SGCZ: variants seen among roughly 807,000 people sequenced by gnomAD.
The protein encoded by SGCZ is zeta-sarcoglycan.
A neutral mutation model predicts 41.3 loss-of-function variants in SGCZ; 40 were observed. The ratio of observed to expected loss-of-function variants is 0.97; its 90% CI spans 0.75 to 1.26. The LOEUF (loss-of-function observed/expected upper bound fraction) is 1.26. SGCZ is among the 50% of genes most tolerant of loss of function. SGCZ has a pLI of 0.00. For missense variants in SGCZ, 552 were observed against 369.8 expected (o/e 1.49, Z -4.04); for synonymous variants, 206 against 137.5 (o/e 1.50, Z -3.49).
chr8:14,753,943 C>T (rs1799578707), intron 1 of SGCZ, among the ~76,000 whole-genome samples: 1 of 152,184 alleles, frequency 6.6e-6, no homozygotes, highest in Admixed American at 6.5e-5. Flanking sequence ...ATAGCTCTAA[C>T]ATTCTGCTTT....
At chr8:14,654,740 T>A (rs1360997953) in intron 1 of SGCZ, among the ~76,000 whole-genome samples, 1 of 97,036 alleles carries the variant, frequency 1.0e-5, no homozygotes, top group Non-Finnish European at 2.4e-5. Flanking sequence ...CCCAGCTAAT[T>A]TTTTTTTTTT....
chr8:14,321,232 T>C (rs1239756843), intron 3 of SGCZ, among the ~76,000 whole-genome samples: 1 of 152,098 alleles, frequency 6.6e-6, no homozygotes, highest in African/African-American at 2.4e-5. Context: ...GAAAAATACA[T>C]TGAATTCTAA....
intron 1 of SGCZ, among the ~76,000 whole-genome samples, chr8:14,829,138 T>A (rs1023637708): frequency 7.9e-5 from 12 of 151,744 alleles, no homozygotes; most frequent in African/African-American, 2.9e-4. Flanking sequence ...TATTTCCTCA[T>A]CCAGGTATGA....
intron 3 of SGCZ, among the ~76,000 whole-genome samples, chr8:14,252,678 G>A (rs1198073934): frequency 6.6e-6 from 1 of 152,086 alleles, no homozygotes; most frequent in Non-Finnish European, 1.5e-5. Context: ...ATAAAGTCGA[G>A]GGGGCAGGAC....
In SGCZ at chr8:14,680,464, T is replaced by C. The variant is rs150792308; in HGVS notation, c.40-125538A>G. ...GCATGGTGGCAATATATGATATTTC[T>C]GTTCCTTTTGTTCAATTTTACTATG... On this transcript the variant is annotated intron_variant, in intron 1 of 7. Coordinates refer to ENST00000382080, the MANE Select transcript of SGCZ (RefSeq NM_139167.4). 3.1e-3 allele frequency among the ~76,000 whole-genome samples: 468 copies of C among 152,272 alleles called. 4 individuals carry two copies. The highest frequency in any genetic ancestry group is 0.011 in the African/African-American group (452 of 41,588).
At chr8:14,918,820 C>A (rs1799510979) in intron 1 of SGCZ, among the ~76,000 whole-genome samples, 1 of 152,198 alleles carries the variant, frequency 6.6e-6, no homozygotes, top group Non-Finnish European at 1.5e-5. Flanking sequence ...TGCAGACCAG[C>A]ATACACTATG....
At chr8:14,729,228 C>G (rs1484985968) in intron 1 of SGCZ, among the ~76,000 whole-genome samples, 1 of 152,114 alleles carries the variant, frequency 6.6e-6, no homozygotes, top group Non-Finnish European at 1.5e-5. Flanking sequence ...ATGAAGTAAC[C>G]ATGCCCAGTC....
intron 1 of SGCZ, among the ~76,000 whole-genome samples, chr8:14,826,365 G>C (rs1202425130): frequency 3.3e-5 from 5 of 152,058 alleles, no homozygotes; most frequent in African/African-American, 1.2e-4. Flanking sequence ...CCAAGTCTTT[G>C]CTATTGTGAA....
intron 1 of SGCZ, among the ~76,000 whole-genome samples, chr8:14,824,373 A>G (rs1802217907): frequency 6.6e-6 from 1 of 152,154 alleles, no homozygotes; most frequent in African/African-American, 2.4e-5. Context: ...AATATGTACA[A>G]TTATAGTGTG....
At chr8:15,199,581 G>T (rs112402189) in intron 1 of SGCZ, among the ~76,000 whole-genome samples, 1 of 152,040 alleles carries the variant, frequency 6.6e-6, no homozygotes, top group Admixed American at 6.6e-5. Context: ...TCCATTTACG[G>T]TTAGAAAGTA....
intron 2 of SGCZ, among the ~76,000 whole-genome samples, chr8:14,424,865 G>A (rs541245320): frequency 2.0e-5 from 3 of 152,008 alleles, no homozygotes; most frequent in South Asian, 2.1e-4. Flanking sequence ...TGATTTGAAC[G>A]GCTGGTAAAA....
chr8:15,155,787 G>C (rs188116290), intron 1 of SGCZ, among the ~76,000 whole-genome samples: 111 of 152,288 alleles, frequency 7.3e-4, no homozygotes, highest in African/African-American at 2.6e-3. Flanking sequence ...GCTGAGCGTG[G>C]TGACTTACAC....
chr8:14,788,814 T>C (rs1367240372), intron 1 of SGCZ, among the ~76,000 whole-genome samples: 1 of 152,090 alleles, frequency 6.6e-6, no homozygotes, highest in African/African-American at 2.4e-5. Context: ...CTGATCAATA[T>C]AAAGACTTGT....
chr8:14,226,521 CATA>C (rs546589763), intron 4 of SGCZ, among the ~76,000 whole-genome samples: 144 of 152,158 alleles, frequency 9.5e-4, no homozygotes, highest in Non-Finnish European at 1.9e-3. Flanking sequence ...TTTTACCTAA[CATA>C]ATGTCAATAG....
chr8:14,616,799 A>G (rs186758498), intron 1 of SGCZ, among the ~76,000 whole-genome samples: 2 of 152,166 alleles, frequency 1.3e-5, no homozygotes, highest in South Asian at 2.1e-4. Flanking sequence ...GTAAAATTCA[A>G]ATTTTATTGT....
intron 1 of SGCZ, among the ~76,000 whole-genome samples, chr8:14,735,625 T>C (rs1799006124): frequency 6.6e-6 from 1 of 152,160 alleles, no homozygotes; most frequent in Admixed American, 6.5e-5. Context: ...TCCTACCTCC[T>C]CAGCTTGCAG....
intron 1 of SGCZ, among the ~76,000 whole-genome samples, chr8:14,731,738 T>C: frequency 6.6e-6 from 1 of 152,126 alleles, no homozygotes. Context: ...TTTTGTTCAT[T>C]TCTGGGTCAA....
chr8:14,755,024 C>T (rs1364997421), intron 1 of SGCZ, among the ~76,000 whole-genome samples: 1 of 152,206 alleles, frequency 6.6e-6, no homozygotes, highest in East Asian at 1.9e-4. Context: ...GACACTGCAC[C>T]TGGCCTGGAT....
chr8:15,217,371 T>C (rs1043672928), intron 1 of SGCZ, among the ~76,000 whole-genome samples: 4 of 149,540 alleles, frequency 2.7e-5, no homozygotes, highest in Admixed American at 6.7e-5. Context: ...GAGTCGAGAT[T>C]GCGCCACCGC....
Sources: gnomAD v4.1 joint callset for allele counts (sites outside exome capture counted in the v4.1 genomes callset) on GRCh38, gnomAD v4.1.1 for gene constraint, MANE v1.5 for transcripts, NCBI Gene and HGNC (gene_info 2026-07-23, HGNC 2026-07-21) for gene names.